PRKCA: variants seen among roughly 807,000 people sequenced by gnomAD.
PRKCA encodes protein kinase C alpha, also known as protein kinase C alpha type.
PRKCA carries 27 observed loss-of-function variants against 87.0 expected under a neutral mutation model. The observed-to-expected ratio is 0.31, with a 90% CI of 0.23 to 0.43. PRKCA has a LOEUF of 0.43. PRKCA is among the 20% of genes least tolerant of loss of function. The pLI is 1.00. For synonymous variants in PRKCA, 329 were observed against 311.1 expected (o/e 1.06, Z -0.61); for missense variants, 518 against 852.3 (o/e 0.61, Z 4.88).
At chr17:66,730,679 T>C (rs1483453336) in intron 8 of PRKCA, among the ~76,000 whole-genome samples, 1 of 152,230 alleles carries the variant, frequency 6.6e-6, no homozygotes, top group African/African-American at 2.4e-5. Flanking sequence ...TTCATTGCCT[T>C]GTTGATTTTG....
chr17:66,675,219 C>G (rs1034715923), intron 5 of PRKCA, among the ~76,000 whole-genome samples: 1 of 152,228 alleles, frequency 6.6e-6, no homozygotes, highest in Non-Finnish European at 1.5e-5. Flanking sequence ...TTGCCGACAG[C>G]CCCACATCCT....
At chr17:66,700,714 G>A (rs1367290568) in intron 8 of PRKCA, among the ~76,000 whole-genome samples, 2 of 152,016 alleles carry the variant, frequency 1.3e-5, no homozygotes, top group Admixed American at 6.6e-5. Context: ...CAAAAAGAAC[G>A]AAATACTTAA....
Position 66,632,577 on chromosome 17 carries a change from G to A in PRKCA, c.289-8778G>A, listed in dbSNP as rs144992207. 5.5e-3 allele frequency among the ~76,000 whole-genome samples: 834 copies of A among 151,962 alleles called. 12 individuals are homozygous for A. The highest frequency in any genetic ancestry group is 0.017 in the African/African-American group (721 of 41,466). ...TTTTTTTAAGTAGAGATGAGGTCTC[G>A]TTATGTTGCCCCAGCTAGTCTTGAA... On this transcript the variant is annotated intron_variant, in intron 3 of 16. Transcript: ENST00000413366.
rs1976031599 is a variant in PRKCA, at chr17:66,806,390, A to C, written c.*2353A>C. The C allele has an allele frequency of 2.0e-5, 3 of 152,134 alleles. No individual in the cohort carries two copies. The South Asian group carries it at 6.2e-4, about 32-fold the overall frequency. 9.4% of individuals were successfully genotyped at this position (152,134 alleles called of 1,614,324 possible). ...TTCTGCCATCTTTTATGCACCATAG[A>C]CATCGAGACTCCAGGGGGTCCTGGC... On this transcript the variant is annotated 3_prime_UTR_variant, in exon 17 of 17. Transcript: ENST00000413366.
At chr17:66,721,172 G>A (rs547235502) in intron 8 of PRKCA, among the ~76,000 whole-genome samples, 17 of 152,138 alleles carry the variant, frequency 1.1e-4, no homozygotes, top group African/African-American at 2.9e-4. Flanking sequence ...CGAGGCGGGC[G>A]GATCATGAGG....
chr17:66,767,786 C>T (rs1395002346), intron 13 of PRKCA, among the ~76,000 whole-genome samples: 4 of 152,122 alleles, frequency 2.6e-5, no homozygotes, highest in African/African-American at 9.7e-5. Flanking sequence ...CTCTCCCTGT[C>T]CATTGGCCAG....
At chr17:66,762,460 C>CA (rs1202810579) in intron 13 of PRKCA, among the ~76,000 whole-genome samples, 2 of 152,222 alleles carry the variant, frequency 1.3e-5, no homozygotes, top group Admixed American at 1.3e-4. Context: ...CCCAAAGTCA[C>CA]ACAGCTCCTG....
At chr17:66,717,717 C>T (rs189070594) in intron 8 of PRKCA, among the ~76,000 whole-genome samples, 5 of 152,314 alleles carry the variant, frequency 3.3e-5, no homozygotes, top group East Asian at 1.9e-4. Flanking sequence ...CACGAAGCGG[C>T]GCAGAGGCTG....
chr17:66,722,510 G>A (rs1317560233), intron 8 of PRKCA, among the ~76,000 whole-genome samples: 2 of 152,182 alleles, frequency 1.3e-5, no homozygotes, highest in Non-Finnish European at 2.9e-5. Context: ...ATTTGGGTTT[G>A]CAATATTCAG....
At chr17:66,336,753 T>TG (rs1567777881) in intron 2 of PRKCA, among the ~76,000 whole-genome samples, 12 of 106,214 alleles carry the variant, frequency 1.1e-4, no homozygotes, top group African/African-American at 1.5e-4. Flanking sequence ...TGCAAATAAG[T>TG]TTGTGTGTGT....
chr17:66,551,414 C>A (rs1968325709), intron 3 of PRKCA, among the ~76,000 whole-genome samples: 1 of 152,248 alleles, frequency 6.6e-6, no homozygotes, highest in Admixed American at 6.5e-5. Flanking sequence ...GACCCATTCC[C>A]AAGCCTGCTT....
At chr17:66,570,724 G>T (rs772548793) in intron 3 of PRKCA, among the ~76,000 whole-genome samples, 2 of 152,104 alleles carry the variant, frequency 1.3e-5, no homozygotes, top group Admixed American at 6.5e-5. Context: ...AACTGTGCTC[G>T]TCTGGAGCTG....
chr17:66,341,981 G>A (rs1253481070), intron 2 of PRKCA, among the ~76,000 whole-genome samples: 2 of 152,136 alleles, frequency 1.3e-5, no homozygotes. Flanking sequence ...TAGGTTATAA[G>A]CTATCTTGAC....
At chr17:66,774,218 C>T in intron 14 of PRKCA, 151 bp downstream of exon 14, 2 of 1,506,134 alleles carry the variant, frequency 1.3e-6, no homozygotes, top group Non-Finnish European at 1.8e-6. Flanking sequence ...AGAAACGCCC[C>T]CTTCAAAGTG....
chr17:66,525,796 A>G (rs983215995), intron 3 of PRKCA, among the ~76,000 whole-genome samples: 3 of 152,312 alleles, frequency 2.0e-5, no homozygotes, highest in African/African-American at 7.2e-5. Flanking sequence ...CATGAATTAA[A>G]CAGAAACATG....
intron 7 of PRKCA, 90 bp from the exon 8 acceptor site, chr17:66,688,861 G>T: frequency 1.3e-6 from 1 of 772,352 alleles, no homozygotes; most frequent in Non-Finnish European, 2.2e-6. Flanking sequence ...CCTCTCCGTA[G>T]GATGCGTTTC....
At chr17:66,488,541 A>T (rs918465506) in intron 2 of PRKCA, among the ~76,000 whole-genome samples, 2 of 152,162 alleles carry the variant, frequency 1.3e-5, no homozygotes, top group Admixed American at 1.3e-4. Flanking sequence ...CACATCCCAC[A>T]TTCAATCTCA....
intron 12 of PRKCA, 36 bp downstream of exon 12, chr17:66,741,757 G>A (rs762086912): frequency 6.2e-7 from 1 of 1,602,304 alleles, no homozygotes; most frequent in South Asian, 1.1e-5. Flanking sequence ...CAGCTCAGCA[G>A]AGAGGTTAGC....
At chr17:66,594,248 G>C (rs1969902511) in intron 3 of PRKCA, among the ~76,000 whole-genome samples, 1 of 152,184 alleles carries the variant, frequency 6.6e-6, no homozygotes, top group Admixed American at 6.5e-5. Flanking sequence ...GATCCCCAAA[G>C]CCCAAATCTG....
Sources: gnomAD v4.1 joint callset for allele counts (sites outside exome capture counted in the v4.1 genomes callset) on GRCh38, gnomAD v4.1.1 for gene constraint, MANE v1.5 for transcripts, NCBI Gene and HGNC (gene_info 2026-07-23, HGNC 2026-07-21) for gene names.